Variants in CCSER1 observed in about 807,000 individuals in gnomAD.
The protein encoded by CCSER1 is serine-rich coiled-coil domain-containing protein 1.
Under a neutral mutation model 82.0 loss-of-function variants are expected in CCSER1, and 41 were observed. That is an observed-to-expected ratio of 0.50 (90% CI 0.39 to 0.65). The LOEUF (loss-of-function observed/expected upper bound fraction) is 0.65, where lower values mean the gene tolerates loss of function less well. Among genes scored for constraint, CCSER1 ranks in the 30% least tolerant of loss-of-function variants. The pLI is 0.00. For synonymous variants in CCSER1, 414 were observed against 383.9 expected (o/e 1.08, Z -0.92); for missense variants, 1,119 against 1,064.2 (o/e 1.05, Z -0.72).
rs1189590877 is a variant in CCSER1, at chr4:90,210,247, C to T, written c.-42+82416C>T. ...GTTGCTATGATCTTTTCAGTTTACACTGTTTAAAAGAATCAATGATTGTTT... is the reference window on the plus strand; with the variant it reads ...GTTGCTATGATCTTTTCAGTTTACATTGTTTAAAAGAATCAATGATTGTTT... On this transcript the variant is annotated intron_variant, in intron 1 of 10. Transcript: ENST00000509176. 2.0e-5 allele frequency among the ~76,000 whole-genome samples: 3 copies of T among 152,108 alleles called. No individual in the cohort carries two copies. In the East Asian group the frequency reaches 5.8e-4, roughly 29 times the overall value.
chr4:90,487,802 C>T (rs750601176), intron 5 of CCSER1, among the ~76,000 whole-genome samples: 23 of 152,206 alleles, frequency 1.5e-4, no homozygotes, highest in African/African-American at 2.2e-4. Flanking sequence ...CCACTATGCC[C>T]GGCTAATTTT....
At chr4:91,026,070 G>A (rs1297437719) in intron 9 of CCSER1, among the ~76,000 whole-genome samples, 2 of 152,060 alleles carry the variant, frequency 1.3e-5, no homozygotes, top group Non-Finnish European at 1.5e-5. Context: ...ACCATGGAAG[G>A]CTAAACACAT....
intron 7 of CCSER1, among the ~76,000 whole-genome samples, chr4:90,764,926 T>G (rs1401262407): frequency 1.3e-5 from 2 of 152,060 alleles, no homozygotes; most frequent in Non-Finnish European, 2.9e-5. Flanking sequence ...TCTCACCACT[T>G]GAAAAACTAA....
rs943553457 is a variant in CCSER1 at position 91,073,719 on chromosome 4, T to C, written c.2173-12231T>C. Among the ~76,000 whole-genome samples the C allele has an allele frequency of 2.0e-5, 3 of 152,262 alleles. No individual in the cohort carries two copies. The East Asian group carries it at 5.8e-4, about 29-fold the overall frequency. On this transcript the variant is annotated intron_variant, in intron 9 of 10. Coordinates refer to ENST00000509176, the MANE Select transcript of CCSER1 (RefSeq NM_001145065.2). ...TGTGTAAGCTGTGTTCAAAGTTTTT[T>C]GGAATTTTTTAACTTCTTGAGTAGT...
chr4:90,400,031 T>G lies in CCSER1; in HGVS notation c.1510-5T>G. The G allele has an allele frequency of 6.3e-7, 1 of 1,575,260 alleles. No individual in the cohort carries two copies. Among genetic ancestry groups the G allele is most frequent in the Non-Finnish European group, 8.7e-7 (1 of 1,147,024 alleles). ...TTCTAATTGTTGGTTTTGATTTTTC[T>G]TCAGGATGTTTTGAATAATTTGGGA... On this transcript the variant is annotated splice_polypyrimidine_tract_variant and splice_region_variant and intron_variant, in intron 3 of 10. Transcript: ENST00000509176.
intron 3 of CCSER1, among the ~76,000 whole-genome samples, chr4:90,399,773 A>G (rs1267596343): frequency 2.6e-5 from 4 of 152,078 alleles, no homozygotes. Flanking sequence ...CCATTTAATT[A>G]TAAGTTACAT....
chr4:91,375,542 A>C (rs1375241422), intron 10 of CCSER1, among the ~76,000 whole-genome samples: 2 of 151,128 alleles, frequency 1.3e-5, no homozygotes, highest in African/African-American at 4.9e-5. Flanking sequence ...TTTTAAGACA[A>C]CTAAAGCCAC....
chr4:91,443,945 C>G (rs776492367), intron 10 of CCSER1, among the ~76,000 whole-genome samples: 62 of 151,992 alleles, frequency 4.1e-4, no homozygotes, highest in Non-Finnish European at 7.2e-4. Context: ...CTTATTGAAT[C>G]TGAGGAGAGC....
In CCSER1 at chr4:90,345,530, G is replaced by A. The variant is rs190492796; in HGVS notation, c.1509+32483G>A. 2.8e-3 allele frequency among the ~76,000 whole-genome samples: 420 copies of A among 152,146 alleles called. 3 individuals are homozygous for A. Among genetic ancestry groups the A allele is most frequent in the African/African-American group, 9.6e-3 (397 of 41,552 alleles). On this transcript the variant is annotated intron_variant, in intron 3 of 10. Transcript: ENST00000509176. ...AGGTGATAATTTTTTGTGTGTGTCT[G>A]CTTGAAAATATGCAGTATGAAAACT...
intron 10 of CCSER1, among the ~76,000 whole-genome samples, chr4:91,347,900 T>C (rs914539158): frequency 1.3e-5 from 2 of 151,642 alleles, no homozygotes; most frequent in Admixed American, 6.6e-5. Flanking sequence ...TCTACATTAA[T>C]AATCATGTCA....
At chr4:91,441,708 A>G (rs867209015) in intron 10 of CCSER1, among the ~76,000 whole-genome samples, 2 of 152,152 alleles carry the variant, frequency 1.3e-5, no homozygotes, top group Non-Finnish European at 2.9e-5. Context: ...ACATGACTGT[A>G]TATCTAGAAA....
intron 8 of CCSER1, among the ~76,000 whole-genome samples, chr4:90,906,193 G>C (rs1333751119): frequency 6.6e-6 from 1 of 152,102 alleles, no homozygotes; most frequent in Admixed American, 6.6e-5. Context: ...TTGCTATTCA[G>C]ATAATACATA....
chr4:91,141,518 C>T (rs2148930317), intron 10 of CCSER1, among the ~76,000 whole-genome samples: 1 of 152,226 alleles, frequency 6.6e-6, no homozygotes, highest in East Asian at 1.9e-4. Flanking sequence ...TTTCTTTATC[C>T]AATCCACTAC....
At chr4:90,878,582 C>G (rs1202171274) in intron 8 of CCSER1, among the ~76,000 whole-genome samples, 1 of 152,062 alleles carries the variant, frequency 6.6e-6, no homozygotes, top group Non-Finnish European at 1.5e-5. Context: ...ATGAGAGCTC[C>G]ATGTTGCTAT....
chr4:90,422,722 C>G (rs181819627), intron 4 of CCSER1, among the ~76,000 whole-genome samples: 2 of 152,206 alleles, frequency 1.3e-5, no homozygotes, highest in African/African-American at 4.8e-5. Flanking sequence ...TAATTTTCTG[C>G]TATGTTTATT....
At chr4:90,999,656 A>G (rs1737815695) in intron 9 of CCSER1, among the ~76,000 whole-genome samples, 1 of 152,136 alleles carries the variant, frequency 6.6e-6, no homozygotes, top group Non-Finnish European at 1.5e-5. Context: ...ATTGTTTGCA[A>G]ATATTTTCTC....
intron 10 of CCSER1, among the ~76,000 whole-genome samples, chr4:91,549,834 C>CA (rs59890772): frequency 0.066 from 10,043 of 151,858 alleles, 357 homozygotes; most frequent in Middle Eastern, 0.095. Flanking sequence ...GACCCTGTCT[C>CA]AAAAAAATAA....
intron 7 of CCSER1, among the ~76,000 whole-genome samples, chr4:90,815,453 C>T (rs1011547844): frequency 1.3e-5 from 2 of 151,864 alleles, no homozygotes; most frequent in African/African-American, 2.4e-5. Context: ...TGGTTTCTGT[C>T]ATAGGCAAAT....
intron 9 of CCSER1, among the ~76,000 whole-genome samples, chr4:90,986,608 CTAGT>C (rs1736597487): frequency 2.0e-5 from 3 of 151,512 alleles, no homozygotes; most frequent in Admixed American, 6.6e-5. Context: ...AGAGTAGAGG[CTAGT>C]TAGACACCAA....
Sources: allele counts gnomAD v4.1 joint callset (sites outside exome capture counted in the v4.1 genomes callset), GRCh38; gene constraint gnomAD v4.1.1; transcripts MANE v1.5; gene names NCBI Gene and HGNC (gene_info 2026-07-23, HGNC 2026-07-21).